The following ARL15 variants were observed in gnomAD, a reference collection of about 807,000 sequenced individuals.
ARL15 encodes the protein ARF like GTPase 15, also known as ADP-ribosylation factor-like protein 15.
Under a neutral mutation model 25.2 loss-of-function variants are expected in ARL15, and 19 were observed. The observed-to-expected ratio is 0.75, with a 90% CI of 0.53 to 1.10. The LOEUF is 1.10. Among genes scored for constraint, ARL15 ranks in the 50% least tolerant of loss-of-function variants. The pLI is 0.00. For missense variants in ARL15, 220 were observed against 246.0 expected, an observed-to-expected ratio of 0.89 and a Z score of 0.71; for synonymous variants, 94 against 86.8, an observed-to-expected ratio of 1.08 and a Z score of -0.46.
intron 3 of ARL15, among the ~76,000 whole-genome samples, chr5:54,151,745 T>C (rs1226759183): frequency 1.3e-5 from 2 of 152,114 alleles, no homozygotes; most frequent in Admixed American, 6.5e-5. Flanking sequence ...CAAAAGTGAC[T>C]TTCACTGAGT....
intron 4 of ARL15, among the ~76,000 whole-genome samples, chr5:54,054,572 C>T (rs1452359131): frequency 6.6e-6 from 1 of 152,134 alleles, no homozygotes; most frequent in Non-Finnish European, 1.5e-5. Flanking sequence ...GGGCGGACCA[C>T]AAGGTCAGGA....
intron 4 of ARL15, among the ~76,000 whole-genome samples, chr5:53,901,568 A>G (rs568848362): frequency 6.7e-6 from 1 of 148,504 alleles, no homozygotes; most frequent in South Asian, 2.1e-4. Context: ...TGTTGTTTAA[A>G]TGGCTTGCTT....
Position 54,215,014 on chromosome 5 carries a change from C to T in ARL15, c.49-43086G>A, listed in dbSNP as rs977104884. Among the ~76,000 whole-genome samples the T allele has an allele frequency of 5.3e-5, 8 of 152,004 alleles. No individual in the cohort carries two copies. In the South Asian group the frequency reaches 6.2e-4, roughly 12 times the overall value. Reference sequence around the variant, plus strand: ...AAATCTGGCCATAGTCACCCACATACGTGTTTTTCTTTCCAACAAGGGCAA... The same window carrying T: ...AAATCTGGCCATAGTCACCCACATATGTGTTTTTCTTTCCAACAAGGGCAA... On this transcript the variant is annotated intron_variant, in intron 1 of 4. Coordinates refer to ENST00000504924, the MANE Select transcript of ARL15 (RefSeq NM_019087.3).
chr5:54,303,327 G>A (rs528757883), intron 1 of ARL15, among the ~76,000 whole-genome samples: 12 of 152,092 alleles, frequency 7.9e-5, no homozygotes, highest in East Asian at 1.9e-4. Context: ...ATTGAGACCA[G>A]CCTGGGCAAC....
intron 4 of ARL15, among the ~76,000 whole-genome samples, chr5:54,038,387 C>T (rs1200431018): frequency 6.6e-6 from 1 of 151,848 alleles, no homozygotes; most frequent in Non-Finnish European, 1.5e-5. Context: ...TTGTGATGGT[C>T]CCAAGATGAA....
At position 54,198,633 on chromosome 5, in the gene ARL15, A is replaced by T. The variant is rs1440072047; in HGVS notation, c.49-26705T>A. Among the ~76,000 whole-genome samples the T allele has an allele frequency of 2.0e-5, 3 of 149,122 alleles. No individual in the cohort carries two copies. The Admixed American group carries it at 2.0e-4, about 10-fold the overall frequency. ...CAAGGAGAACTACAAACCACTGCTCAATGAAATAAAAGAGGATACAAACAA... is the reference window on the plus strand; with the variant it reads ...CAAGGAGAACTACAAACCACTGCTCTATGAAATAAAAGAGGATACAAACAA... On this transcript the variant is annotated intron_variant, in intron 1 of 4. Coordinates refer to ENST00000504924, the MANE Select transcript of ARL15 (RefSeq NM_019087.3).
At chr5:53,951,218 T>G (rs1474469747) in intron 4 of ARL15, among the ~76,000 whole-genome samples, 1 of 152,244 alleles carries the variant, frequency 6.6e-6, no homozygotes, top group Non-Finnish European at 1.5e-5. Flanking sequence ...GAGTATGGCC[T>G]ACAAAGCCTA....
At chr5:54,159,314 A>ATGT (rs1246430841) in intron 2 of ARL15, among the ~76,000 whole-genome samples, 35 of 152,236 alleles carry the variant, frequency 2.3e-4, no homozygotes, top group Admixed American at 5.9e-4. Flanking sequence ...TGACAGTGTA[A>ATGT]CTACTCTCTT....
chr5:54,160,534 C>T lies in ARL15; in HGVS notation c.194-5895G>A, dbSNP rs558705552. ...TTATGTAATCTACAGTTTAACAACC[C>T]CTCTTATCAACAAATTCCTCATACA... On this transcript the variant is annotated intron_variant, in intron 2 of 4. Transcript: ENST00000504924. Among the ~76,000 whole-genome samples the T allele has an allele frequency of 1.4e-4, 22 of 152,194 alleles. No individual in the cohort carries two copies. In the South Asian group the frequency reaches 4.6e-3, roughly 32 times the overall value.
In ARL15 at chr5:53,992,138, T is replaced by C. The variant is rs76269190; in HGVS notation, c.463-105425A>G. Among the ~76,000 whole-genome samples the C allele has an allele frequency of 9.0e-3, 1,372 of 152,290 alleles. 25 individuals carry two copies. Among genetic ancestry groups the C allele is most frequent in the African/African-American group, 0.031 (1,286 of 41,546 alleles). ...AAAGATATGACATCGTCAAAAGGAA[T>C]GTAGCGCCATCTAATGTTGAAGCTG... On this transcript the variant is annotated intron_variant, in intron 4 of 4. Transcript: ENST00000504924.
intron 1 of ARL15, among the ~76,000 whole-genome samples, chr5:54,195,934 G>A (rs1241122971): frequency 6.6e-6 from 1 of 152,100 alleles, no homozygotes; most frequent in East Asian, 1.9e-4. Context: ...GAGTTTCAGT[G>A]CTCCCCTTCC....
intron 2 of ARL15, among the ~76,000 whole-genome samples, chr5:54,157,717 CAA>C (rs1025322372): frequency 2.0e-5 from 3 of 152,074 alleles, no homozygotes; most frequent in Admixed American, 6.5e-5. Context: ...AGCCCCCTAA[CAA>C]TATTATTTAT....
rs144512113 is a variant in ARL15, at chr5:54,075,887, G to A, written c.462+37315C>T. On this transcript the variant is annotated intron_variant, in intron 4 of 4. Transcript: ENST00000504924. ...TTAAATGTGGTAAAATGAAGAGTAC[G>A]GACTAGGTAAGAGGATAAGATCTAG... 2.4e-3 allele frequency among the ~76,000 whole-genome samples: 363 copies of A among 152,218 alleles called. 3 individuals carry two copies. Among genetic ancestry groups the A allele is most frequent in the African/African-American group, 8.3e-3 (344 of 41,530 alleles).
intron 4 of ARL15, among the ~76,000 whole-genome samples, chr5:53,970,706 G>C (rs1450138677): frequency 6.6e-6 from 1 of 151,708 alleles, no homozygotes; most frequent in Non-Finnish European, 1.5e-5. Flanking sequence ...TGACTCATTG[G>C]GCCCTGAAAG....
intron 4 of ARL15, chr5:54,075,371 T>C (rs1721795885): frequency 6.5e-6 from 1 of 152,868 alleles, no homozygotes; most frequent in Admixed American, 6.5e-5. Flanking sequence ...TGAATACTAC[T>C]TTACATAATT....
At chr5:53,982,666 T>C (rs1748163820) in intron 4 of ARL15, among the ~76,000 whole-genome samples, 1 of 152,108 alleles carries the variant, frequency 6.6e-6, no homozygotes, top group Admixed American at 6.6e-5. Flanking sequence ...GTGTCTTTAT[T>C]GTAGAATGAT....
chr5:53,931,586 T>G (rs1431854603), intron 4 of ARL15, among the ~76,000 whole-genome samples: 2 of 152,172 alleles, frequency 1.3e-5, no homozygotes, highest in African/African-American at 4.8e-5. Flanking sequence ...AGTCAACACC[T>G]TTACCAGATC....
chr5:54,241,476 A>G (rs1756955581), intron 1 of ARL15, among the ~76,000 whole-genome samples: 2 of 152,172 alleles, frequency 1.3e-5, no homozygotes, highest in Admixed American at 6.5e-5. Context: ...AGATAATTAT[A>G]GTTACTCATA....
intron 4 of ARL15, among the ~76,000 whole-genome samples, chr5:53,976,218 T>C (rs1371569301): frequency 1.3e-5 from 2 of 151,900 alleles, no homozygotes; most frequent in African/African-American, 4.8e-5. Flanking sequence ...ACCACACGAG[T>C]ACCAAAATAG....
Sources: allele counts gnomAD v4.1 joint callset (sites outside exome capture counted in the v4.1 genomes callset), GRCh38; gene constraint gnomAD v4.1.1; transcripts MANE v1.5; gene names NCBI Gene and HGNC (gene_info 2026-07-23, HGNC 2026-07-21).